The following RAF1 variants were observed in gnomAD, a reference collection of about 807,000 sequenced individuals.
RAF1 encodes the protein RAF proto-oncogene serine/threonine-protein kinase.
RAF1 carries 27 observed loss-of-function variants against 81.1 expected under a neutral mutation model. The observed-to-expected ratio is 0.33, with a 90% confidence interval of 0.25 to 0.46. RAF1 has a LOEUF of 0.46. Among genes scored for constraint, RAF1 ranks in the 20% least tolerant of loss-of-function variants. The probability of loss-of-function intolerance (pLI) is 1.00; values close to 1 mark genes in which losing one functional copy is unlikely to be tolerated. For synonymous variants in RAF1, 298 were observed against 294.0 expected (o/e 1.01, Z -0.14); for missense variants, 598 against 826.0 (o/e 0.72, Z 3.38).
chr3:12,663,311 C>A (rs1377437546), intron 1 of RAF1, among the ~76,000 whole-genome samples: 1 of 152,210 alleles, frequency 6.6e-6, no homozygotes, highest in African/African-American at 2.4e-5. Context: ...TCCTGATACC[C>A]AAGAAGAGGC....
At chr3:12,590,707 A>T in intron 13 of RAF1, 91 bp downstream of exon 12, 1 of 1,382,542 alleles carries the variant, frequency 7.2e-7, no homozygotes, top group Non-Finnish European at 1.0e-6. Context: ...AGAATCGCTT[A>T]ATGGACTAGA....
At chr3:12,608,984 T>A (rs2059125497) in intron 4 of RAF1, 61 bp from the exon 5 acceptor site, 20 of 1,588,292 alleles carry the variant, frequency 1.3e-5, no homozygotes, top group East Asian at 2.3e-5. Flanking sequence ...AAAGACAACT[T>A]CATTTCTTGG....
At chr3:12,633,171 G>C (rs1054029251) in intron 1 of RAF1, among the ~76,000 whole-genome samples, 1 of 151,850 alleles carries the variant, frequency 6.6e-6, no homozygotes, top group African/African-American at 2.4e-5. Flanking sequence ...GGAAACCCTC[G>C]AATATGGATG....
intron 1 of RAF1, among the ~76,000 whole-genome samples, chr3:12,642,922 C>A (rs995258738): frequency 9.2e-5 from 14 of 151,750 alleles, no homozygotes; most frequent in Non-Finnish European, 1.9e-4. Flanking sequence ...AGAATGCATT[C>A]TTGAGGAATT....
intron 1 of RAF1, among the ~76,000 whole-genome samples, chr3:12,633,788 A>G (rs762820845): frequency 6.6e-6 from 1 of 151,864 alleles, no homozygotes; most frequent in Non-Finnish European, 1.5e-5. Flanking sequence ...TACAAAAATT[A>G]GCTGGGTGTG....
chr3:12,652,959 T>TA (rs59144060), intron 1 of RAF1, among the ~76,000 whole-genome samples: 10 of 150,512 alleles, frequency 6.6e-5, no homozygotes, highest in African/African-American at 2.4e-4. Context: ...AAAATTTTTT[T>TA]AATTAAATAA....
At chr3:12,612,420 G>A (rs1318038476) in intron 2 of RAF1, among the ~76,000 whole-genome samples, 1 of 152,000 alleles carries the variant, frequency 6.6e-6, no homozygotes, top group Admixed American at 6.6e-5. Flanking sequence ...AAGCCGAGGC[G>A]GGTGGATCAC....
intron 1 of RAF1, among the ~76,000 whole-genome samples, chr3:12,653,290 A>C (rs2060590381): frequency 6.6e-6 from 1 of 152,020 alleles, no homozygotes; most frequent in African/African-American, 2.4e-5. Flanking sequence ...TCAAAAGAAA[A>C]CAAACCTGTT....
chr3:12,652,178 T>C (rs192430882), intron 1 of RAF1, among the ~76,000 whole-genome samples: 404 of 150,270 alleles, frequency 2.7e-3, no homozygotes, highest in Non-Finnish European at 4.7e-3. Flanking sequence ...ATCATGCCAC[T>C]GCACTCCAAC....
intron 1 of RAF1, among the ~76,000 whole-genome samples, chr3:12,652,249 G>A (rs1017470450): frequency 1.4e-4 from 21 of 151,680 alleles, no homozygotes; most frequent in South Asian, 2.1e-4. Context: ...TAGGCCAGGC[G>A]TAGTGACTCA....
intron 1 of RAF1, among the ~76,000 whole-genome samples, chr3:12,652,940 CA>C (rs548744822): frequency 2.9e-4 from 43 of 146,534 alleles, no homozygotes; most frequent in Non-Finnish European, 4.3e-4. Context: ...GACTCCATCT[CA>C]AAAAAAAAAA....
At chr3:12,607,686 C>T (rs1265890024) in intron 5 of RAF1, among the ~76,000 whole-genome samples, 1 of 150,952 alleles carries the variant, frequency 6.6e-6, no homozygotes, top group Non-Finnish European at 1.5e-5. Flanking sequence ...GGCGTGGTGG[C>T]TCATGCCTGT....
At chr3:12,649,393 T>G (rs879581353) in intron 1 of RAF1, among the ~76,000 whole-genome samples, 1 of 151,930 alleles carries the variant, frequency 6.6e-6, no homozygotes, top group Non-Finnish European at 1.5e-5. Context: ...AGCCAAGGAG[T>G]TCAAGACCAC....
intron 10 of RAF1, 26 bp from the exon 10 acceptor site, chr3:12,599,834 T>C (rs745773426): frequency 1.3e-6 from 2 of 1,520,906 alleles, no homozygotes; most frequent in East Asian, 4.5e-5. Context: ...ATCATTATTA[T>C]ACTCCATGCA....
chr3:12,592,005 AGGGCTT>A, intron 11 of RAF1: 1 of 592,914 alleles, frequency 1.7e-6, no homozygotes, highest in South Asian at 1.9e-5. Context: ...CTTGACCTCC[AGGGCTT>A]AAGCAATCCT....
At chr3:12,617,636 A>T (rs1355087968) in intron 2 of RAF1, among the ~76,000 whole-genome samples, 1 of 151,962 alleles carries the variant, frequency 6.6e-6, no homozygotes, top group African/African-American at 2.4e-5. Context: ...TGGTAATCCC[A>T]GCAGTTTGGG....
intron 1 of RAF1, among the ~76,000 whole-genome samples, chr3:12,653,431 C>T (rs1469437527): frequency 6.6e-6 from 1 of 152,148 alleles, no homozygotes; most frequent in Non-Finnish European, 1.5e-5. Flanking sequence ...CTCTCCAGTA[C>T]ATTTCCTATT....
intron 17 of RAF1, 49 bp downstream of exon 16, chr3:12,584,798 T>C (rs752118726): frequency 1.2e-6 from 2 of 1,613,972 alleles, no homozygotes; most frequent in East Asian, 2.2e-5. Context: ...TTGCCATCTT[T>C]ACGAACCAAC....
chr3:12,632,842 G>GA (rs1266754560), intron 1 of RAF1, among the ~76,000 whole-genome samples: 2 of 151,430 alleles, frequency 1.3e-5, no homozygotes, highest in Non-Finnish European at 1.5e-5. Context: ...ACGTGAAGAG[G>GA]AAAAAACAAA....
Sources: gnomAD v4.1 joint callset for allele counts (sites outside exome capture counted in the v4.1 genomes callset) on GRCh38, gnomAD v4.1.1 for gene constraint, MANE v1.5 for transcripts, NCBI Gene and HGNC (gene_info 2026-07-23, HGNC 2026-07-21) for gene names.